SLC25A44: variants seen among roughly 807,000 people sequenced by gnomAD.
SLC25A44 encodes the protein solute carrier family 25 member 44, also known as solute carrier family 25, member 44.
A neutral mutation model predicts 29.9 loss-of-function variants in SLC25A44; 17 were observed. That is an observed-to-expected ratio of 0.57 (90% CI 0.39 to 0.85). The LOEUF is 0.85. Ranked by LOEUF, SLC25A44 falls within the 40% of genes least tolerant of loss-of-function variation. The probability of loss-of-function intolerance (pLI) is 0.00; values close to 1 mark genes in which losing one functional copy is unlikely to be tolerated. For missense variants in SLC25A44, 302 were observed against 398.4 expected (o/e 0.76, Z 2.06); for synonymous variants, 140 against 151.8 (o/e 0.92, Z 0.57).
rs1051647824 is a variant in SLC25A44 at position 156,212,311 on chromosome 1, G to A, written c.*1880G>A. 1.3e-5 allele frequency: 2 copies of A among 152,378 alleles called. No individual in the cohort carries two copies. Among genetic ancestry groups the A allele is most frequent in the African/African-American group, 4.8e-5 (2 of 41,448 alleles). The allele number at this position is 152,378 out of a possible 1,614,324, so 9.4% of individuals were successfully genotyped here. ...CCCGCCATGGCACAGTGGGGAAGGT[G>A]TCAATGGGGAGTGTCACGGACAGGA... On this transcript the variant is annotated 3_prime_UTR_variant, in exon 4 of 4. Coordinates refer to ENST00000359511, the MANE Select transcript of SLC25A44 (RefSeq NM_014655.4).
chr1:156,197,756 GA>G (rs1165933388), intron 1 of SLC25A44: 6 of 146,354 alleles, frequency 4.1e-5, no homozygotes, highest in South Asian at 2.2e-4. Context: ...GACTCCGTCT[GA>G]AAAAAAAAAC....
intron 1 of SLC25A44, chr1:156,197,073 G>C (rs747020793): frequency 2.0e-5 from 3 of 152,218 alleles, no homozygotes; most frequent in Non-Finnish European, 4.4e-5. Flanking sequence ...AAGTTAAACT[G>C]TAAGGATTAC....
Position 156,198,296 on chromosome 1 carries a change from A to ACCACAGG in SLC25A44, c.-13-1539_-13-1538insCCACAGG, listed in dbSNP as rs1558176412. 6 of 152,114 alleles carry ACCACAGG rather than the reference A, an allele frequency of 3.9e-5. No individual in the cohort carries two copies. Among genetic ancestry groups the ACCACAGG allele is most frequent in the African/African-American group, 1.4e-4 (6 of 41,388 alleles). The allele number at this position is 152,114 out of a possible 1,614,324, so 9.4% of individuals were successfully genotyped here. ...TACCACTAAGTATGTCTAATAAATG[A>ACCACAGG]TGTCCTCTGATTTGACATTTCCTAA... On this transcript the variant is annotated intron_variant, in intron 1 of 3. Transcript: ENST00000359511. The surrounding 1 kb of genome is among the most constrained non-coding windows in gnomAD (Gnocchi z 4.1).
rs180975067 is a variant in SLC25A44, at chr1:156,201,173, C to T, written c.625+701C>T. Among the ~76,000 whole-genome samples, 9 of 152,212 alleles carry T rather than the reference C, an allele frequency of 5.9e-5. No homozygotes were observed. The East Asian group carries it at 1.4e-3, about 23-fold the overall frequency. ...GGTGTGATATAACCTTGAACCTCTC[C>T]ACTCCTGTAATGTATCTTTGTTCAT... On this transcript the variant is annotated intron_variant, in intron 2 of 3. Transcript: ENST00000359511.
At chr1:156,205,666 C>A (rs1426606636) in intron 2 of SLC25A44, among the ~76,000 whole-genome samples, 1 of 152,128 alleles carries the variant, frequency 6.6e-6, no homozygotes, top group Non-Finnish European at 1.5e-5. Context: ...AAATGGCAAC[C>A]CCTTCCCTTC....
rs1656377667 is a variant in SLC25A44, at chr1:156,198,941, C to T, written c.-13-894C>T. ...GTTCTGTACTCTGTAGTTCCCCAGACTCTTCAGGGAAACTACTTAGCTCTC... is the reference window on the plus strand; with the variant it reads ...GTTCTGTACTCTGTAGTTCCCCAGATTCTTCAGGGAAACTACTTAGCTCTC... On this transcript the variant is annotated intron_variant, in intron 1 of 3. Transcript: ENST00000359511. The surrounding 1 kb of genome is among the most constrained non-coding windows in gnomAD (Gnocchi z 4.1). 6.6e-6 allele frequency: 1 copy of T among 152,252 alleles called. No homozygotes were observed. Among genetic ancestry groups the T allele is most frequent in the Non-Finnish European group, 1.5e-5 (1 of 68,066 alleles). The allele number at this position is 152,252 out of a possible 1,614,324, so 9.4% of individuals were successfully genotyped here. A position where few individuals can be genotyped will look rare whatever the true frequency, so the allele number is the denominator to read the frequency against.
Position 156,199,912 on chromosome 1 carries a change from T to C in SLC25A44, c.65T>C (p.Val22Ala). The C allele has an allele frequency of 6.2e-7, 1 of 1,614,152 alleles. No individual in the cohort carries two copies. Among genetic ancestry groups the C allele is most frequent in the Non-Finnish European group, 8.5e-7 (1 of 1,179,998 alleles). Reference protein sequence around the residue: ...WEHLDKKKFYVFGVAMTMMIR... With the variant: ...WEHLDKKKFYAFGVAMTMMIR... ...CACCTGGACAAGAAGAAGTTCTACG[T>C]GTTTGGTGTGGCAATGACAATGATG... The change falls in exon 2 of 4, where the codon GTG becomes GCG. Residue 22 changes from valine to alanine, a missense_variant. Coordinates refer to ENST00000359511, the MANE Select transcript of SLC25A44 (RefSeq NM_014655.4).
At chr1:156,202,336 C>T (rs977100404) in intron 2 of SLC25A44, among the ~76,000 whole-genome samples, 1 of 152,206 alleles carries the variant, frequency 6.6e-6, no homozygotes, top group Non-Finnish European at 1.5e-5. Context: ...TTTCAACTTG[C>T]GTTGTCATGT....
chr1:156,203,719 T>TC (rs1211114369), intron 2 of SLC25A44, among the ~76,000 whole-genome samples: 3 of 147,018 alleles, frequency 2.0e-5, no homozygotes, highest in African/African-American at 7.6e-5. Flanking sequence ...TTTTTTTTTT[T>TC]TTGAGACAGA....
At chr1:156,207,438 C>CA (rs1657023030) in intron 2 of SLC25A44, among the ~76,000 whole-genome samples, 1 of 152,196 alleles carries the variant, frequency 6.6e-6, no homozygotes, top group Admixed American at 6.5e-5. Context: ...CTTGGCCTCC[C>CA]AAAGTGCTGG....
At chr1:156,195,229 G>A (rs572155209) in intron 1 of SLC25A44, among the ~76,000 whole-genome samples, 126 of 151,734 alleles carry the variant, frequency 8.3e-4, no homozygotes, top group Admixed American at 2.5e-3. Context: ...TCAGCCTCCC[G>A]GGTAGCTGGG....
At chr1:156,202,034 A>G (rs1656614273) in intron 2 of SLC25A44, among the ~76,000 whole-genome samples, 1 of 152,186 alleles carries the variant, frequency 6.6e-6, no homozygotes, top group Admixed American at 6.5e-5. Flanking sequence ...TCTTCATCCC[A>G]AGCTGGCTCT....
In SLC25A44 at chr1:156,210,804, T is replaced by TCTTGGG. The variant is rs1657252259; in HGVS notation, c.*377_*382dup. ...CTTGCTTACTACCACTGGTTCTTCC[T>TCTTGGG]CTTGGGCTTTCAGCCCAGACTCCAA... On this transcript the variant is annotated 3_prime_UTR_variant, in exon 4 of 4. Coordinates refer to ENST00000359511, the MANE Select transcript of SLC25A44 (RefSeq NM_014655.4). The TCTTGGG allele has an allele frequency of 6.5e-6, 1 of 153,664 alleles. No homozygotes were observed. 9.5% of individuals were successfully genotyped at this position (153,664 alleles called of 1,614,324 possible). A position where few individuals can be genotyped will look rare whatever the true frequency, so the allele number is the denominator to read the frequency against.
Position 156,211,100 on chromosome 1 carries a change from G to GTGTGTT in SLC25A44, c.*670_*671insGTGTTT, listed in dbSNP as rs1657288072. 6.7e-6 allele frequency: 1 copy of GTGTGTT among 149,250 alleles called. No homozygotes were observed. Among genetic ancestry groups the GTGTGTT allele is most frequent in the Non-Finnish European group, 1.5e-5 (1 of 68,136 alleles). The allele number at this position is 149,250 out of a possible 1,614,324, so 9.2% of individuals were successfully genotyped here. A position where few individuals can be genotyped will look rare whatever the true frequency, so the allele number is the denominator to read the frequency against. ...TGTGTGTGTGTGTGTGTGTGTGTGT[G>GTGTGTT]TTTTAACATCTGTGAACCAGGCTAT... On this transcript the variant is annotated 3_prime_UTR_variant, in exon 4 of 4. Transcript: ENST00000359511.
chr1:156,202,916 TC>T (rs1158717455), intron 2 of SLC25A44, among the ~76,000 whole-genome samples: 3 of 152,226 alleles, frequency 2.0e-5, no homozygotes, highest in African/African-American at 7.2e-5. Context: ...CTATTGTACC[TC>T]CCAACACCTA....
chr1:156,199,626 C>T (rs915211089), intron 1 of SLC25A44: 14 of 555,790 alleles, frequency 2.5e-5, no homozygotes, highest in Non-Finnish European at 3.8e-5. Flanking sequence ...GAAGGCCTGG[C>T]CAAGGACCAA....
chr1:156,210,098 TG>T, intron 3 of SLC25A44, 141 bp from the exon 4 acceptor site: 1 of 587,202 alleles, frequency 1.7e-6, no homozygotes, highest in Non-Finnish European at 3.0e-6. Flanking sequence ...TAAATCACTG[TG>T]CTGTACCATC....
At chr1:156,206,045 A>G (rs531498099) in intron 2 of SLC25A44, among the ~76,000 whole-genome samples, 18 of 152,312 alleles carry the variant, frequency 1.2e-4, no homozygotes, top group African/African-American at 4.1e-4. Flanking sequence ...CTTTCTTGAT[A>G]TAGGCTGGAG....
chr1:156,197,167 G>A (rs1656262263), intron 1 of SLC25A44: 1 of 152,258 alleles, frequency 6.6e-6, no homozygotes, highest in African/African-American at 2.4e-5. Context: ...GACCCTAGAT[G>A]GCAGCCACTC....
Sources: gnomAD v4.1 joint callset for allele counts (sites outside exome capture counted in the v4.1 genomes callset) on GRCh38, gnomAD v4.1.1 for gene constraint, Gnocchi (gnomAD v3.1) non-coding constraint, MANE v1.5 for transcripts, NCBI Gene and HGNC (gene_info 2026-07-23, HGNC 2026-07-21) for gene names.